Variants in MYCBP2 observed in about 807,000 individuals in gnomAD.
The protein encoded by MYCBP2 is E3 ubiquitin-protein ligase MYCBP2.
MYCBP2 carries 120 observed loss-of-function variants against 525.3 expected under a neutral mutation model. The observed-to-expected ratio is 0.23, with a 90% CI of 0.20 to 0.27. MYCBP2 has a LOEUF of 0.27. Among genes scored for constraint, MYCBP2 ranks in the 10% least tolerant of loss-of-function variants. MYCBP2 has a pLI of 1.00. For synonymous variants in MYCBP2, 1,894 were observed against 1,955.8 expected, an observed-to-expected ratio of 0.97 and a Z score of 0.83; for missense variants, 4,149 against 5,657.1, an observed-to-expected ratio of 0.73 and a Z score of 8.55.
intron 5 of MYCBP2, 76 bp from the exon 6 acceptor site, chr13:77,270,614 T>C (rs577148958): frequency 2.7e-5 from 36 of 1,349,098 alleles, no homozygotes; most frequent in Middle Eastern, 3.9e-4. Flanking sequence ...ACTTTGGTAA[T>C]ACATCATCAT....
In MYCBP2 at chr13:77,098,372, G is replaced by C; in HGVS notation, c.8782C>G (p.Leu2928Val). Residue 2928 changes from leucine to valine, a missense_variant, in exon 56 of 83, where the codon CTC (leucine) becomes GTC (valine). Around this residue, in one of 21 missense-constraint regions of MYCBP2, gnomAD observed 653 missense variants for 744.7 expected, o/e 0.88. Transcript: ENST00000544440. ...CAGACTTCGACCACCTCACTGTGGAGGTTTTCCTGTACCACATGGGGAGAG... is the reference window on the plus strand; with the variant it reads ...CAGACTTCGACCACCTCACTGTGGACGTTTTCCTGTACCACATGGGGAGAG... ...APSPHVVQENLHSEVVEVCTS... is the reference protein window; with the variant it reads ...APSPHVVQENVHSEVVEVCTS... 1 of 1,613,274 alleles carries C rather than the reference G, an allele frequency of 6.2e-7. No individual in the cohort carries two copies. The highest frequency in any genetic ancestry group is 8.5e-7 in the Non-Finnish European group (1 of 1,179,816).
intron 3 of MYCBP2, among the ~76,000 whole-genome samples, chr13:77,281,532 T>A (rs1327707762): frequency 6.6e-6 from 1 of 152,130 alleles, no homozygotes; most frequent in Non-Finnish European, 1.5e-5. Flanking sequence ...CAGAAAATAG[T>A]CTTTTGTAAA....
chr13:77,262,764 C>T (rs753815855), intron 10 of MYCBP2, among the ~76,000 whole-genome samples: 1 of 151,936 alleles, frequency 6.6e-6, no homozygotes, highest in Non-Finnish European at 1.5e-5. Flanking sequence ...GTAATTGTAG[C>T]TTTACATATG....
In MYCBP2 at chr13:77,270,419, T is replaced by C. The variant is rs2074709126; in HGVS notation, c.1065A>G (p.Pro355=). The C allele has an allele frequency of 3.7e-6, 6 of 1,613,710 alleles. No homozygotes were observed. Among genetic ancestry groups the C allele is most frequent in the African/African-American group, 1.3e-5 (1 of 74,934 alleles). ...IKKAALMHKW[P]LKEISVDEDD... is the part of the protein sequence containing the mutation. ...CTTCATCAACAGATATTTCTTTTAA[T>C]GGCCACTTGTGCATTAAAGCTGCTT... Residue 355 remains proline, a synonymous_variant, in exon 6 of 83, where the codon CCA becomes CCG. Transcript: ENST00000544440.
chr13:77,224,748 C>T (rs1321782958), intron 19 of MYCBP2, among the ~76,000 whole-genome samples: 1 of 152,086 alleles, frequency 6.6e-6, no homozygotes, highest in African/African-American at 2.4e-5. Context: ...TCATAATACA[C>T]ACTTAAAAAT....
intron 69 of MYCBP2, among the ~76,000 whole-genome samples, chr13:77,069,959 T>C (rs1204522238): frequency 6.6e-6 from 1 of 152,146 alleles, no homozygotes; most frequent in Non-Finnish European, 1.5e-5. Flanking sequence ...TAGCACCCCA[T>C]TATATGAACA....
chr13:77,126,560 A>C lies in MYCBP2; in HGVS notation c.7660-18T>G, dbSNP rs770525816. ...TTAGATTCCTGAAAATTTGAATAGG[A>C]AAGAAAAATAAACAAAATACAATCT... On this transcript the variant is annotated intron_variant, in intron 52 of 82. Transcript: ENST00000544440. The C allele has an allele frequency of 6.3e-7, 1 of 1,578,462 alleles. No individual in the cohort carries two copies. Among genetic ancestry groups the C allele is most frequent in the Non-Finnish European group, 8.7e-7 (1 of 1,153,192 alleles).
At chr13:77,148,667 C>T (rs2056003231) in intron 47 of MYCBP2, among the ~76,000 whole-genome samples, 1 of 152,104 alleles carries the variant, frequency 6.6e-6, no homozygotes, top group African/African-American at 2.4e-5. Flanking sequence ...GCTCATATGA[C>T]TCACACTGTT....
Position 77,233,382 on chromosome 13 carries a change from A to G in MYCBP2, c.2630-119T>C, listed in dbSNP as rs1283602051. On this transcript the variant is annotated intron_variant, in intron 17 of 82. Coordinates refer to ENST00000544440, the MANE Select transcript of MYCBP2 (RefSeq NM_015057.5). ...TTTATTCTTAACGGTTTTGGACATT[A>G]TACTTTTCTTCCAATTTCCCCACTC... 3 of 785,480 alleles carry G rather than the reference A, an allele frequency of 3.8e-6. No individual in the cohort carries two copies. In the Admixed American group the frequency reaches 7.9e-5, roughly 21 times the overall value. The allele number at this position is 785,480 out of a possible 1,614,324, so 48.7% of individuals were successfully genotyped here.
chr13:77,213,985 A>G (rs1335035209), intron 21 of MYCBP2, among the ~76,000 whole-genome samples: 1 of 152,248 alleles, frequency 6.6e-6, no homozygotes, highest in African/African-American at 2.4e-5. Context: ...GAAGGAGGAC[A>G]GAGGCGTGTG....
Position 77,061,790 on chromosome 13 carries a change from G to C in MYCBP2, c.12775C>G (p.Pro4259Ala), listed in dbSNP as rs779289700. 7 of 1,579,890 alleles carry C rather than the reference G, an allele frequency of 4.4e-6. No individual in the cohort carries two copies. Among genetic ancestry groups the C allele is most frequent in the Non-Finnish European group, 6.0e-6 (7 of 1,157,950 alleles). ...CCATCATCATGGTTATCACACATAG[G>C]CTAAAATAAGACATTTCCACGTTAC... The part of the protein sequence containing the change: ...MGKDGQQKQM[P>A]MCDNHDDGET... The change falls in exon 75 of 83, where the codon CCT becomes GCT. Residue 4259 changes from proline (P) to alanine (A), a missense_variant and splice_region_variant. This residue lies in a region of MYCBP2 where 220 missense variants were observed against 396.0 expected (regional missense o/e 0.56). Transcript: ENST00000544440.
At chr13:77,087,055 C>G (rs572943116) in intron 62 of MYCBP2, among the ~76,000 whole-genome samples, 1 of 151,980 alleles carries the variant, frequency 6.6e-6, no homozygotes, top group Non-Finnish European at 1.5e-5. Flanking sequence ...TTTGTTAGTT[C>G]TTGCTCATGG....
At chr13:77,187,389 G>A (rs976283553) in intron 30 of MYCBP2, among the ~76,000 whole-genome samples, 5 of 152,128 alleles carry the variant, frequency 3.3e-5, no homozygotes, top group African/African-American at 1.2e-4. Flanking sequence ...TGGCTCTTTT[G>A]GAAGGTCAAC....
At position 77,093,261 on chromosome 13, in the gene MYCBP2, G is replaced by A. The variant is rs1186690149; in HGVS notation, c.10271C>T (p.Ser3424Leu). 1 of 1,613,402 alleles carries A rather than the reference G, an allele frequency of 6.2e-7. No individual in the cohort carries two copies. Reference protein sequence around the residue: ...LFQDEMRYLRSTSVPAPYISV... With the variant: ...LFQDEMRYLRLTSVPAPYISV... ...TATATACGGGGCAGGTACAGATGTTGAACGTAGATATCTCATTTCATCCTG... is the reference window on the plus strand; with the variant it reads ...TATATACGGGGCAGGTACAGATGTTAAACGTAGATATCTCATTTCATCCTG... The change falls in exon 59 of 83, where the codon TCA (serine) becomes TTA (leucine). Residue 3424 changes from serine (S) to leucine (L), a missense_variant. This residue lies in a region of MYCBP2 where 509 missense variants were observed against 789.4 expected (regional missense o/e 0.64). Transcript: ENST00000544440.
intron 32 of MYCBP2, among the ~76,000 whole-genome samples, chr13:77,184,228 A>C (rs571014308): frequency 6.6e-6 from 1 of 152,196 alleles, no homozygotes; most frequent in Non-Finnish European, 1.5e-5. Flanking sequence ...TTTCCTTTAT[A>C]ACTTCTTCTT....
At chr13:77,226,955 A>C (rs2066368539) in intron 18 of MYCBP2, among the ~76,000 whole-genome samples, 1 of 152,182 alleles carries the variant, frequency 6.6e-6, no homozygotes, top group Non-Finnish European at 1.5e-5. Context: ...GCTACAATAA[A>C]TAGAGTGTGG....
intron 8 of MYCBP2, among the ~76,000 whole-genome samples, chr13:77,267,607 C>T (rs1362012581): frequency 6.6e-6 from 1 of 152,008 alleles, no homozygotes; most frequent in Non-Finnish European, 1.5e-5. Context: ...AGAGATTAGG[C>T]CATAGACGGC....
At chr13:77,203,385 G>A (rs906779112) in intron 26 of MYCBP2, among the ~76,000 whole-genome samples, 6 of 152,070 alleles carry the variant, frequency 3.9e-5, no homozygotes, top group African/African-American at 1.4e-4. Flanking sequence ...ACTGCTCAAG[G>A]AAATAAAAGA....
chr13:77,066,444 C>T (rs149695986), intron 71 of MYCBP2, among the ~76,000 whole-genome samples: 43 of 152,304 alleles, frequency 2.8e-4, no homozygotes, highest in Middle Eastern at 3.4e-3. Flanking sequence ...TTTAGTTCAG[C>T]TGACTTTTTT....
Sources: allele counts gnomAD v4.1 joint callset (sites outside exome capture counted in the v4.1 genomes callset), GRCh38; gene constraint gnomAD v4.1.1; regional missense constraint gnomAD v4.1.1; transcripts MANE v1.5; gene names NCBI Gene and HGNC (gene_info 2026-07-23, HGNC 2026-07-21).